Variants in CEP83 observed in about 807,000 individuals in gnomAD.
CEP83 encodes centrosomal protein 83.
CEP83 carries 70 observed loss-of-function variants against 101.9 expected under a neutral mutation model. The ratio of observed to expected loss-of-function variants is 0.69; its 90% CI spans 0.57 to 0.84. The LOEUF (loss-of-function observed/expected upper bound fraction) is 0.84, where lower values mean the gene tolerates loss of function less well. Among genes scored for constraint, CEP83 ranks in the 40% least tolerant of loss-of-function variants. CEP83 has a pLI of 0.00. For missense variants in CEP83, 715 were observed against 787.2 expected, an observed-to-expected ratio of 0.91 and a Z score of 1.10; for synonymous variants, 264 against 267.9, an observed-to-expected ratio of 0.99 and a Z score of 0.14.
At chr12:94,354,939 T>C (rs1241277618) in intron 11 of CEP83, among the ~76,000 whole-genome samples, 3 of 151,830 alleles carry the variant, frequency 2.0e-5, no homozygotes, top group African/African-American at 7.3e-5. Flanking sequence ...GAGGTGGAGG[T>C]TGCAGTTAGC....
At chr12:94,451,053 C>T (rs1322741206) in intron 1 of CEP83, among the ~76,000 whole-genome samples, 1 of 152,092 alleles carries the variant, frequency 6.6e-6, no homozygotes, top group African/African-American at 2.4e-5. Flanking sequence ...TACAAAGATG[C>T]CAATACAATT....
At chr12:94,300,806 C>A in the CEP83 span, 1 of 1,057,768 alleles carries the variant, frequency 9.5e-7, no homozygotes, top group Non-Finnish European at 1.4e-6. Flanking sequence ...GAGTTGTATA[C>A]TTCAATAACA....
intron 5 of CEP83, 168 bp downstream of exon 5, chr12:94,403,002 A>G (rs948446522): frequency 7.3e-6 from 3 of 408,630 alleles, no homozygotes; most frequent in Non-Finnish European, 1.3e-5. Flanking sequence ...AAAGGAAAGG[A>G]GATCAGAGAG....
At chr12:94,316,348 A>C (rs1038979908) in intron 14 of CEP83, among the ~76,000 whole-genome samples, 13 of 152,192 alleles carry the variant, frequency 8.5e-5, no homozygotes, top group African/African-American at 2.2e-4. Context: ...TTAAAAATTC[A>C]TATTAATTTT....
chr12:94,343,120 C>CATAT (rs140745114), intron 11 of CEP83, among the ~76,000 whole-genome samples: 43 of 146,982 alleles, frequency 2.9e-4, no homozygotes, highest in East Asian at 2.0e-3. Flanking sequence ...TATAGAACTT[C>CATAT]ATATATATAT....
At chr12:94,277,448 G>A in the CEP83 span, among the ~76,000 whole-genome samples, 1 of 152,148 alleles carries the variant, frequency 6.6e-6, no homozygotes, top group African/African-American at 2.4e-5. Flanking sequence ...CCACGTCAGT[G>A]GTCCATAAGT....
At chr12:94,425,947 C>T (rs1375031530) in intron 2 of CEP83, among the ~76,000 whole-genome samples, 1 of 151,888 alleles carries the variant, frequency 6.6e-6, no homozygotes, top group East Asian at 1.9e-4. Flanking sequence ...AGTGAAACCC[C>T]ATCTCTACTA....
In CEP83 at chr12:94,333,496, T is replaced by C. The variant is rs138149796; in HGVS notation, c.1563A>G (p.Gln521=). The C allele has an allele frequency of 1.2e-6, 2 of 1,613,244 alleles. No homozygotes were observed. The highest frequency in any genetic ancestry group is 2.7e-5 in the African/African-American group (2 of 74,998). Residue 521 remains glutamine (Q), a synonymous_variant, in exon 13 of 17, where the codon CAA becomes CAG. Transcript: ENST00000397809. ...GCAAACTCTACTTTTCAGCTTCTAG[T>C]TGCGCTTTTTCAGCTTGGCTTCTAA... ...RNFRSQAEKA[Q]LEAEKTLEEK...
At chr12:94,307,242 G>GTATAA (rs1287395714), downstream of CEP83, 1 of 147,242 alleles carries the variant, frequency 6.8e-6, no homozygotes, top group Non-Finnish European at 1.5e-5. Context: ...CTCAATTTCT[G>GTATAA]TATAATATTT....
chr12:94,357,069 G>A lies in CEP83; in HGVS notation c.1343+10725C>T, dbSNP rs138701952. ...GAACCATATGTTGATTTTATAGCTC[G>A]GTTACAGGAGTCTCTTAAAAAGATG... On this transcript the variant is annotated intron_variant, in intron 11 of 16. Coordinates refer to ENST00000397809, the MANE Select transcript of CEP83 (RefSeq NM_016122.3). Among the ~76,000 whole-genome samples, 1,313 of 152,222 alleles carry A rather than the reference G, an allele frequency of 8.6e-3. 20 individuals carry two copies. Among genetic ancestry groups the A allele is most frequent in the African/African-American group, 0.03 (1,265 of 41,508 alleles).
chr12:94,424,977 T>C (rs1230951596), intron 2 of CEP83: 1 of 1,563,336 alleles, frequency 6.4e-7, no homozygotes, highest in African/African-American at 1.4e-5. Context: ...ATTTTCTCTT[T>C]AATGTTAGGG....
intron 2 of CEP83, chr12:94,424,966 C>G: frequency 1.4e-6 from 2 of 1,387,156 alleles, no homozygotes; most frequent in Non-Finnish European, 1.9e-6. Context: ...CGGATAGCAG[C>G]ATTTTCTCTT....
intron 1 of CEP83, among the ~76,000 whole-genome samples, chr12:94,440,514 C>CA (rs112658393): frequency 0.015 from 2,063 of 137,888 alleles, 44 homozygotes; most frequent in African/African-American, 0.042. Context: ...AGGAAAACTA[C>CA]AAAAAAAAAA....
chr12:94,398,439 T>C (rs1316844687), intron 6 of CEP83, among the ~76,000 whole-genome samples: 1 of 152,124 alleles, frequency 6.6e-6, no homozygotes, highest in Non-Finnish European at 1.5e-5. Context: ...AATATGGACA[T>C]TTATCAGTTC....
intron 8 of CEP83, among the ~76,000 whole-genome samples, chr12:94,372,496 A>G (rs2061350337): frequency 6.6e-6 from 1 of 152,228 alleles, no homozygotes; most frequent in African/African-American, 2.4e-5. Context: ...GACAAATGTA[A>G]TTATAACCTG....
chr12:94,334,317 C>T (rs2059364532), intron 12 of CEP83, among the ~76,000 whole-genome samples: 1 of 152,012 alleles, frequency 6.6e-6, no homozygotes, highest in African/African-American at 2.4e-5. Context: ...CTTTTTTTTC[C>T]ATCCCAATTT....
chr12:94,387,277 C>T (rs1210859995), intron 6 of CEP83, among the ~76,000 whole-genome samples: 4 of 152,102 alleles, frequency 2.6e-5, no homozygotes, highest in Non-Finnish European at 4.4e-5. Context: ...AGCAGGTGAG[C>T]GACCATTACT....
Position 94,406,731 on chromosome 12 carries a change from C to T in CEP83, c.325-3469G>A, listed in dbSNP as rs142865676. 8.7e-3 allele frequency among the ~76,000 whole-genome samples: 1,321 copies of T among 152,056 alleles called. 20 individuals carry two copies. Among genetic ancestry groups the T allele is most frequent in the African/African-American group, 0.031 (1,273 of 41,492 alleles). On this transcript the variant is annotated intron_variant, in intron 4 of 16. Coordinates refer to ENST00000397809, the MANE Select transcript of CEP83 (RefSeq NM_016122.3). ...GCTCAGGAGATTGAGACCATCCTGG[C>T]TAACATGGTGAAACCCCATGTCTAC...
At chr12:94,444,422 C>G (rs139391859) in intron 1 of CEP83, among the ~76,000 whole-genome samples, 1 of 152,086 alleles carries the variant, frequency 6.6e-6, no homozygotes, top group South Asian at 2.1e-4. Context: ...AAAGAAATTT[C>G]TACCTCAAAA....
Sources: allele counts gnomAD v4.1 joint callset (sites outside exome capture counted in the v4.1 genomes callset), GRCh38; gene constraint gnomAD v4.1.1; transcripts MANE v1.5; gene names NCBI Gene and HGNC (gene_info 2026-07-23, HGNC 2026-07-21).